Variants in MAD1L1 observed in about 807,000 individuals in gnomAD.
MAD1L1 encodes mitotic spindle assembly checkpoint protein MAD1.
Under a neutral mutation model 96.9 loss-of-function variants are expected in MAD1L1, and 95 were observed. The ratio of observed to expected loss-of-function variants is 0.98; its 90% CI spans 0.83 to 1.16. The LOEUF is 1.16. MAD1L1 is among the 50% of genes most tolerant of loss of function. MAD1L1 has a pLI of 0.00. For missense variants in MAD1L1, 1,007 were observed against 954.4 expected (o/e 1.06, Z -0.73); for synonymous variants, 473 against 396.6 (o/e 1.19, Z -2.29).
intron 12 of MAD1L1, 28 bp downstream of exon 12, chr7:2,069,166 C>A: frequency 6.5e-7 from 1 of 1,543,184 alleles, no homozygotes; most frequent in Non-Finnish European, 8.7e-7. Flanking sequence ...CCCTGCGACT[C>A]TGATCAAGAT....
At chr7:1,838,163 C>T (rs902637401) in intron 18 of MAD1L1, among the ~76,000 whole-genome samples, 11 of 152,330 alleles carry the variant, frequency 7.2e-5, no homozygotes, top group African/African-American at 1.2e-4. Flanking sequence ...AGGAGGTTCA[C>T]GGACCCTCTA....
intron 11 of MAD1L1, among the ~76,000 whole-genome samples, chr7:2,074,080 C>T (rs1785265135): frequency 6.6e-6 from 1 of 152,210 alleles, no homozygotes; most frequent in Non-Finnish European, 1.5e-5. Flanking sequence ...CCACTCACAC[C>T]TGACTGGCAG....
intron 12 of MAD1L1, among the ~76,000 whole-genome samples, chr7:2,051,881 C>T (rs1324403012): frequency 1.3e-5 from 2 of 151,890 alleles, no homozygotes; most frequent in Non-Finnish European, 2.9e-5. Context: ...CAGCAGGTGC[C>T]GTGTCAGGCT....
chr7:1,904,111 G>A (rs12667885), intron 17 of MAD1L1, among the ~76,000 whole-genome samples: 7 of 85,160 alleles, frequency 8.2e-5, no homozygotes, highest in South Asian at 4.0e-4. Flanking sequence ...CGGAACTCAA[G>A]ATTGATCAAG....
intron 18 of MAD1L1, among the ~76,000 whole-genome samples, chr7:1,855,777 C>T (rs933252802): frequency 3.3e-5 from 5 of 152,208 alleles, no homozygotes; most frequent in Non-Finnish European, 7.3e-5. Context: ...AGGCTCCACC[C>T]CAACCCTTCC....
intron 17 of MAD1L1, among the ~76,000 whole-genome samples, chr7:1,927,488 C>T (rs1184076420): frequency 3.3e-5 from 5 of 152,134 alleles, no homozygotes; most frequent in African/African-American, 7.2e-5. Context: ...AAGGAACAGA[C>T]GCTTAGATCA....
intron 10 of MAD1L1, among the ~76,000 whole-genome samples, chr7:2,196,486 G>C (rs1234398388): frequency 1.3e-5 from 2 of 152,246 alleles, no homozygotes; most frequent in Non-Finnish European, 2.9e-5. Context: ...CATCTGAGGA[G>C]GCACCCCTGT....
chr7:2,210,515 G>A (rs1023091929), intron 10 of MAD1L1, among the ~76,000 whole-genome samples: 1 of 103,664 alleles, frequency 9.6e-6, no homozygotes, highest in African/African-American at 3.0e-5. Context: ...GCCGTATTCG[G>A]GACCGCCAGC....
chr7:2,051,151 T>C (rs1391890004), intron 12 of MAD1L1, among the ~76,000 whole-genome samples: 1 of 152,220 alleles, frequency 6.6e-6, no homozygotes, highest in Non-Finnish European at 1.5e-5. Flanking sequence ...GTTCCGGGCC[T>C]GGTCCCTCCA....
intron 11 of MAD1L1, among the ~76,000 whole-genome samples, chr7:2,111,429 G>T (rs1470221104): frequency 2.0e-5 from 3 of 152,226 alleles, no homozygotes; most frequent in Non-Finnish European, 1.5e-5. Context: ...CGGAATGAAT[G>T]AGGTACAGTC....
chr7:2,082,777 T>C (rs143349192), intron 11 of MAD1L1, among the ~76,000 whole-genome samples: 124 of 152,352 alleles, frequency 8.1e-4, no homozygotes, highest in Non-Finnish European at 1.4e-3. Context: ...CCCATGACAA[T>C]TGATGGAGCC....
intron 10 of MAD1L1, among the ~76,000 whole-genome samples, chr7:2,199,309 C>G (rs903867794): frequency 6.6e-6 from 1 of 152,246 alleles, no homozygotes; most frequent in Non-Finnish European, 1.5e-5. Flanking sequence ...TAACTGCTCT[C>G]CAAGAAAGGA....
At chr7:2,134,726 CTCTT>C (rs1011928941) in intron 11 of MAD1L1, among the ~76,000 whole-genome samples, 1 of 152,202 alleles carries the variant, frequency 6.6e-6, no homozygotes, top group Non-Finnish European at 1.5e-5. Flanking sequence ...AGGCCACCCT[CTCTT>C]AAGGACTAGT....
chr7:1,875,588 G>T (rs1318695874), intron 18 of MAD1L1, among the ~76,000 whole-genome samples: 3 of 152,210 alleles, frequency 2.0e-5, no homozygotes, highest in Admixed American at 1.3e-4. Flanking sequence ...GGCTGGGAGG[G>T]GCAGGGAGAG....
intron 5 of MAD1L1, 44 bp from the exon 6 acceptor site, chr7:2,219,500 C>T (rs755093936): frequency 2.8e-5 from 44 of 1,598,390 alleles, no homozygotes; most frequent in Middle Eastern, 1.7e-4. Flanking sequence ...GAGTGGAGCC[C>T]GTGCGTGGAA....
intron 18 of MAD1L1, among the ~76,000 whole-genome samples, chr7:1,876,251 T>C (rs1785382143): frequency 6.6e-6 from 1 of 152,160 alleles, no homozygotes; most frequent in Admixed American, 6.5e-5. Flanking sequence ...CCATTGGTCA[T>C]GTTAAACCAG....
In MAD1L1 at chr7:2,142,582, G is replaced by A. The variant is rs567282671; in HGVS notation, c.1073+6570C>T. On this transcript the variant is annotated intron_variant, in intron 11 of 18. Coordinates refer to ENST00000265854, the MANE Select transcript of MAD1L1 (RefSeq NM_001013836.2). This position sits in a 1 kb window ranked among gnomAD's most constrained non-coding sequence, Gnocchi z 4.7. ...CACGGTGCCACCCAGAGCTCCTGGC[G>A]CGTGCCCTGCCACAGCCCTGGACCA... Among the ~76,000 whole-genome samples, 11 of 152,292 alleles carry A rather than the reference G, an allele frequency of 7.2e-5. No individual in the cohort carries two copies. The highest frequency in any genetic ancestry group is 3.9e-4 in the East Asian group (2 of 5,180).
At chr7:1,963,814 C>T (rs1206773745) in intron 15 of MAD1L1, among the ~76,000 whole-genome samples, 1 of 152,188 alleles carries the variant, frequency 6.6e-6, no homozygotes, top group African/African-American at 2.4e-5. Context: ...AACAATGCTT[C>T]GCTCCTCTTG....
intron 18 of MAD1L1, among the ~76,000 whole-genome samples, chr7:1,824,112 G>A (rs1782267711): frequency 6.6e-6 from 1 of 152,156 alleles, no homozygotes; most frequent in Non-Finnish European, 1.5e-5. Context: ...AAAATGGCAG[G>A]TAGTCAGCCT....
Sources: gnomAD v4.1 joint callset for allele counts (sites outside exome capture counted in the v4.1 genomes callset) on GRCh38, gnomAD v4.1.1 for gene constraint, Gnocchi (gnomAD v3.1) non-coding constraint, MANE v1.5 for transcripts, NCBI Gene and HGNC (gene_info 2026-07-23, HGNC 2026-07-21) for gene names.